Variants in CACNB2 observed in about 807,000 individuals in gnomAD.
CACNB2 encodes the protein voltage-dependent L-type calcium channel subunit beta-2.
A neutral mutation model predicts 73.3 loss-of-function variants in CACNB2; 42 were observed. That is an observed-to-expected ratio of 0.57 (90% CI 0.45 to 0.74). CACNB2 has a LOEUF of 0.74. Ranked by LOEUF, CACNB2 falls within the 30% of genes least tolerant of loss-of-function variation. The pLI is 0.00. For synonymous variants in CACNB2, 348 were observed against 310.3 expected, an observed-to-expected ratio of 1.12 and a Z score of -1.28; for missense variants, 940 against 853.0, an observed-to-expected ratio of 1.10 and a Z score of -1.27.
At chr10:18,530,848 G>A (rs1219782302) in intron 10 of CACNB2, among the ~76,000 whole-genome samples, 2 of 152,114 alleles carry the variant, frequency 1.3e-5, no homozygotes, top group African/African-American at 2.4e-5. Context: ...GTTCTAAGAG[G>A]TTCAATATGT....
chr10:18,288,349 T>C (rs1250640115), intron 2 of CACNB2, among the ~76,000 whole-genome samples: 1 of 152,208 alleles, frequency 6.6e-6, no homozygotes, highest in Non-Finnish European at 1.5e-5. Context: ...CTTACTTTCA[T>C]ACAACTCTCT....
intron 2 of CACNB2, among the ~76,000 whole-genome samples, chr10:18,220,417 GCCC>G (rs2035744810): frequency 6.7e-6 from 1 of 149,440 alleles, no homozygotes; most frequent in East Asian, 2.0e-4. Flanking sequence ...CTGCCACCAT[GCCC>G]AGCTAATTTT....
intron 2 of CACNB2, among the ~76,000 whole-genome samples, chr10:18,226,416 G>T (rs1457999866): frequency 6.6e-6 from 1 of 152,194 alleles, no homozygotes; most frequent in African/African-American, 2.4e-5. Flanking sequence ...AAGAGTTACA[G>T]TGAGATCTGA....
At chr10:18,393,498 A>T (rs1230047040) in intron 2 of CACNB2, among the ~76,000 whole-genome samples, 2 of 152,178 alleles carry the variant, frequency 1.3e-5, no homozygotes, top group Non-Finnish European at 2.9e-5. Context: ...CAGCATTTTG[A>T]TATGTTCGTT....
At chr10:18,336,634 A>G (rs2041019444) in intron 2 of CACNB2, among the ~76,000 whole-genome samples, 1 of 152,184 alleles carries the variant, frequency 6.6e-6, no homozygotes, top group African/African-American at 2.4e-5. Context: ...AAAAGAAAAA[A>G]AAAAAGATGA....
At chr10:18,337,733 A>T (rs1248757602) in intron 2 of CACNB2, among the ~76,000 whole-genome samples, 1 of 152,002 alleles carries the variant, frequency 6.6e-6, no homozygotes. Flanking sequence ...TTTCATATTT[A>T]TTTTTTTACA....
chr10:18,393,317 C>A (rs766408291), intron 2 of CACNB2, among the ~76,000 whole-genome samples: 1 of 152,136 alleles, frequency 6.6e-6, no homozygotes, highest in Non-Finnish European at 1.5e-5. Flanking sequence ...ATTACTTAGC[C>A]TATGACTGAA....
At chr10:18,190,425 G>A (rs971155533) in intron 2 of CACNB2, among the ~76,000 whole-genome samples, 2 of 152,152 alleles carry the variant, frequency 1.3e-5, no homozygotes, top group Non-Finnish European at 2.9e-5. Context: ...TGACCCTTCT[G>A]TGTAAGAAGA....
chr10:18,236,867 G>T (rs2036465455), intron 2 of CACNB2, among the ~76,000 whole-genome samples: 1 of 152,056 alleles, frequency 6.6e-6, no homozygotes, highest in African/African-American at 2.4e-5. Context: ...TCTCCTTTGG[G>T]GGACTGTTTC....
At chr10:18,224,590 T>G (rs2131411072) in intron 2 of CACNB2, among the ~76,000 whole-genome samples, 1 of 152,264 alleles carries the variant, frequency 6.6e-6, no homozygotes, top group Non-Finnish European at 1.5e-5. Context: ...TGGATCAGGT[T>G]AAGAAGCTCG....
At chr10:18,308,395 T>C (rs2039827870) in intron 2 of CACNB2, among the ~76,000 whole-genome samples, 1 of 152,188 alleles carries the variant, frequency 6.6e-6, no homozygotes, top group Admixed American at 6.5e-5. Context: ...ATGTACAGAT[T>C]ATTTCCGTCA....
At chr10:18,487,680 C>A (rs916698468) in intron 3 of CACNB2, among the ~76,000 whole-genome samples, 1 of 151,918 alleles carries the variant, frequency 6.6e-6, no homozygotes, top group African/African-American at 2.4e-5. Flanking sequence ...GCTAAAAATA[C>A]AAAAATTTGC....
chr10:18,536,698 C>G (rs559228418), intron 12 of CACNB2, among the ~76,000 whole-genome samples: 19 of 152,304 alleles, frequency 1.2e-4, no homozygotes, highest in African/African-American at 3.8e-4. Context: ...CACAAGTAAT[C>G]CAAACGATGA....
rs534400985 is a variant in CACNB2, at chr10:18,463,156, G to C, written c.334-35199G>C. On this transcript the variant is annotated intron_variant, in intron 3 of 13. Coordinates refer to ENST00000324631, the MANE Select transcript of CACNB2 (RefSeq NM_201596.3). ...TTGCCACCACCAAATCTGTAAACCTGCCTTTATCTGTGCCCCTTGTGTGTT... is the reference window on the plus strand; with the variant it reads ...TTGCCACCACCAAATCTGTAAACCTCCCTTTATCTGTGCCCCTTGTGTGTT... 2.4e-4 allele frequency among the ~76,000 whole-genome samples: 36 copies of C among 152,222 alleles called. 1 individual carries two copies. Among genetic ancestry groups the C allele is most frequent in the African/African-American group, 8.4e-4 (35 of 41,540 alleles).
At chr10:18,286,517 C>CAAAAAAAAAAA (rs770589594) in intron 2 of CACNB2, among the ~76,000 whole-genome samples, 3 of 57,356 alleles carry the variant, frequency 5.2e-5, no homozygotes, top group East Asian at 7.1e-4. Flanking sequence ...GATTCTGTCT[C>CAAAAAAAAAAA]AAAAAAAAAA....
intron 2 of CACNB2, among the ~76,000 whole-genome samples, chr10:18,328,525 A>G (rs899998946): frequency 1.3e-5 from 2 of 152,246 alleles, no homozygotes; most frequent in Non-Finnish European, 2.9e-5. Context: ...ATACTTAAGT[A>G]TAAATATACT....
rs1564353990 is a variant in CACNB2 at position 18,220,237 on chromosome 10, A to AGGGGGGG, written c.213+69263_213+69264insGGGGGGG. On this transcript the variant is annotated intron_variant, in intron 2 of 13. Transcript: ENST00000324631. The stretch of plus-strand genomic sequence containing the variant: ...TATATATATATATATATATATAGAG[A>AGGGGGGG]GAGAGAGAGAGAGAGAGAGAGAGAG... Among the ~76,000 whole-genome samples the AGGGGGGG allele has an allele frequency of 1.6e-3, 78 of 48,424 alleles. 4 individuals carry two copies. The highest frequency in any genetic ancestry group is 0.011 in the East Asian group (12 of 1,066). 31.8% of individuals were successfully genotyped at this position (48,424 alleles called of 152,430 possible).
chr10:18,239,108 G>T (rs1474781222), intron 2 of CACNB2, among the ~76,000 whole-genome samples: 1 of 151,976 alleles, frequency 6.6e-6, no homozygotes, highest in Non-Finnish European at 1.5e-5. Flanking sequence ...GGACTAAATG[G>T]GGCTTTGCTT....
chr10:18,267,193 G>C (rs2037847656), intron 2 of CACNB2, among the ~76,000 whole-genome samples: 1 of 50,128 alleles, frequency 2.0e-5, no homozygotes, highest in Non-Finnish European at 3.7e-5. Context: ...ATTTGGAACT[G>C]CATTTTTTTT....
Sources: allele counts gnomAD v4.1 joint callset (sites outside exome capture counted in the v4.1 genomes callset), GRCh38; gene constraint gnomAD v4.1.1; transcripts MANE v1.5; gene names NCBI Gene and HGNC (gene_info 2026-07-23, HGNC 2026-07-21).